Variants in TAB2 observed in about 807,000 individuals in gnomAD.
TAB2 encodes the protein TGF-beta-activated kinase 1 and MAP3K7-binding protein 2.
Under a neutral mutation model 65.0 loss-of-function variants are expected in TAB2, and 3 were observed. That is an observed-to-expected ratio of 0.05 (90% confidence interval 0.02 to 0.12). The LOEUF is 0.12. Ranked by LOEUF, TAB2 falls within the 10% of genes least tolerant of loss-of-function variation. The pLI is 1.00. For synonymous variants in TAB2, 298 were observed against 285.1 expected (o/e 1.05, Z -0.46); for missense variants, 623 against 840.3 (o/e 0.74, Z 3.20).
At chr6:149,390,420 A>G (rs937629947) in intron 3 of TAB2, among the ~76,000 whole-genome samples, 1 of 152,204 alleles carries the variant, frequency 6.6e-6, no homozygotes, top group Non-Finnish European at 1.5e-5. Flanking sequence ...TTCCAATGAC[A>G]TATGTCTTTT....
At chr6:149,219,122 G>C (rs1216405868) in intron 1 of TAB2, among the ~76,000 whole-genome samples, 4 of 152,164 alleles carry the variant, frequency 2.6e-5, no homozygotes, top group Non-Finnish European at 4.4e-5. Context: ...GGAGCGTTCA[G>C]TGACAACCAG....
chr6:149,397,369 A>G (rs576404946), intron 3 of TAB2, among the ~76,000 whole-genome samples: 18 of 152,150 alleles, frequency 1.2e-4, no homozygotes, highest in Admixed American at 7.8e-4. Flanking sequence ...TGAACCCAGG[A>G]GGCAGAGGTT....
chr6:149,380,783 C>G (rs1433761312), intron 3 of TAB2, among the ~76,000 whole-genome samples: 1 of 152,224 alleles, frequency 6.6e-6, no homozygotes, highest in African/African-American at 2.4e-5. Context: ...CCTACTGTCA[C>G]TAATATCCTC....
chr6:149,352,951 C>A (rs1009921537), intron 1 of TAB2, among the ~76,000 whole-genome samples: 2 of 152,120 alleles, frequency 1.3e-5, no homozygotes, highest in South Asian at 2.1e-4. Context: ...TCTTAAGGAG[C>A]TTTTAAGGTT....
intron 1 of TAB2, among the ~76,000 whole-genome samples, chr6:149,280,138 G>A (rs1778546285): frequency 6.6e-6 from 1 of 152,156 alleles, no homozygotes; most frequent in Non-Finnish European, 1.5e-5. Flanking sequence ...CAGACAATCT[G>A]AGTTGGAATT....
intron 1 of TAB2, among the ~76,000 whole-genome samples, chr6:149,308,302 T>G (rs1431074035): frequency 1.3e-5 from 2 of 152,198 alleles, no homozygotes; most frequent in Non-Finnish European, 2.9e-5. Flanking sequence ...AAGCGTACAC[T>G]GATTATACTC....
chr6:149,373,357 G>A (rs1781292382), intron 2 of TAB2, among the ~76,000 whole-genome samples: 1 of 152,098 alleles, frequency 6.6e-6, no homozygotes, highest in African/African-American at 2.4e-5. Context: ...TTTTCATTCA[G>A]TATATGCAAC....
chr6:149,309,883 G>T (rs78071119), intron 1 of TAB2, among the ~76,000 whole-genome samples: 5,161 of 149,454 alleles, frequency 0.035, 281 homozygotes, highest in African/African-American at 0.12. Flanking sequence ...TGTGGGTGTG[G>T]GTGTGTGTGT....
intron 4 of TAB2, 24 bp from the exon 5 acceptor site, chr6:149,397,945 T>TAC (rs757699285): frequency 6.2e-7 from 1 of 1,607,430 alleles, no homozygotes; most frequent in Non-Finnish European, 8.5e-7. Flanking sequence ...GTGCAAATCT[T>TAC]ACTTACATAG....
chr6:149,296,889 T>C (rs1046370169), intron 1 of TAB2, among the ~76,000 whole-genome samples: 1 of 152,222 alleles, frequency 6.6e-6, no homozygotes, highest in African/African-American at 2.4e-5. Context: ...ATTTTCATTA[T>C]AGCACATTGT....
intron 1 of TAB2, among the ~76,000 whole-genome samples, chr6:149,343,549 G>A (rs538051849): frequency 6.6e-6 from 1 of 151,960 alleles, no homozygotes; most frequent in South Asian, 2.1e-4. Context: ...ACCGAGCAAT[G>A]TATTATATAG....
intron 3 of TAB2, among the ~76,000 whole-genome samples, chr6:149,388,440 G>A (rs1781872967): frequency 6.6e-6 from 1 of 152,194 alleles, no homozygotes; most frequent in Non-Finnish European, 1.5e-5. Flanking sequence ...AATAAATGTT[G>A]CCAATTTCAA....
intron 1 of TAB2, among the ~76,000 whole-genome samples, chr6:149,333,394 A>G (rs987518599): frequency 1.3e-5 from 2 of 152,220 alleles, no homozygotes; most frequent in African/African-American, 4.8e-5. Context: ...TCTTGTGTTG[A>G]ATGGAGTACA....
chr6:149,379,996 T>G, intron 3 of TAB2: 1 of 449,786 alleles, frequency 2.2e-6, no homozygotes, highest in Non-Finnish European at 4.5e-6. Context: ...TTCCAGTGCT[T>G]TGGGAGGCCA....
At chr6:149,361,272 C>T (rs563031171) in intron 1 of TAB2, among the ~76,000 whole-genome samples, 2 of 152,336 alleles carry the variant, frequency 1.3e-5, no homozygotes, top group African/African-American at 4.8e-5. Context: ...CTTTCTCATA[C>T]ATCCTCTGAA....
At chr6:149,245,133 A>T (rs968509571) in intron 1 of TAB2, 3 of 152,298 alleles carry the variant, frequency 2.0e-5, no homozygotes, top group Non-Finnish European at 4.4e-5. Context: ...TTTGCCAGAC[A>T]GGTGAGAAGC....
At chr6:149,400,902 G>T (rs905499295) in intron 6 of TAB2, 1 of 558,208 alleles carries the variant, frequency 1.8e-6, no homozygotes, top group Non-Finnish European at 3.2e-6. Flanking sequence ...ACAGCCAATG[G>T]TATGTTTTGA....
chr6:149,258,847 G>A (rs1778094673), intron 1 of TAB2, among the ~76,000 whole-genome samples: 1 of 152,246 alleles, frequency 6.6e-6, no homozygotes. Flanking sequence ...TGACTTTAAA[G>A]TAGGGAGATT....
chr6:149,363,739 T>C (rs975168070), intron 1 of TAB2, among the ~76,000 whole-genome samples: 1 of 152,184 alleles, frequency 6.6e-6, no homozygotes, highest in African/African-American at 2.4e-5. Context: ...TTAACGCCAG[T>C]ACCACAGATG....
Sources: allele counts gnomAD v4.1 joint callset (sites outside exome capture counted in the v4.1 genomes callset), GRCh38; gene constraint gnomAD v4.1.1; transcripts MANE v1.5; gene names NCBI Gene and HGNC (gene_info 2026-07-23, HGNC 2026-07-21).